The following SEMA5B variants were observed in gnomAD, a reference collection of about 807,000 sequenced individuals.
The protein encoded by SEMA5B is semaphorin-5B.
SEMA5B carries 66 observed loss-of-function variants against 135.0 expected under a neutral mutation model. The observed-to-expected ratio is 0.49, with a 90% CI of 0.40 to 0.60. The LOEUF (loss-of-function observed/expected upper bound fraction) is 0.60, where lower values mean the gene tolerates loss of function less well. SEMA5B is among the 20% of genes least tolerant of loss of function. The pLI is 0.00. For synonymous variants in SEMA5B, 690 were observed against 639.5 expected, an observed-to-expected ratio of 1.08 and a Z score of -1.19; for missense variants, 1,501 against 1,566.3, an observed-to-expected ratio of 0.96 and a Z score of 0.70.
intron 1 of SEMA5B, among the ~76,000 whole-genome samples, chr3:122,989,014 C>A (rs772648676): frequency 6.6e-6 from 1 of 152,214 alleles, no homozygotes; most frequent in Non-Finnish European, 1.5e-5. Context: ...GCCAGTGGGG[C>A]TTCTGTTGCT....
chr3:123,014,894 G>T (rs1942520178), intron 1 of SEMA5B, among the ~76,000 whole-genome samples: 1 of 152,184 alleles, frequency 6.6e-6, no homozygotes, highest in Non-Finnish European at 1.5e-5. Flanking sequence ...TTGGAAATAG[G>T]ATTGTTGCAG....
chr3:122,918,141 A>G (rs1302722487), intron 12 of SEMA5B, among the ~76,000 whole-genome samples: 1 of 152,228 alleles, frequency 6.6e-6, no homozygotes, highest in Non-Finnish European at 1.5e-5. Flanking sequence ...GACTAATAAT[A>G]ATAATAAACA....
Position 122,911,542 on chromosome 3 carries a change from G to A in SEMA5B, c.3047-7C>T. The stretch of plus-strand genomic sequence containing the variant: ...CTGGAGGCTGGCAGGATGACTGCAG[G>A]AAGACCAGTGGACAGGGTGTCAGGG... On this transcript the variant is annotated splice_polypyrimidine_tract_variant and splice_region_variant and intron_variant, in intron 20 of 22. Transcript: ENST00000357599. 1 of 1,609,284 alleles carries A rather than the reference G, an allele frequency of 6.2e-7. No individual in the cohort carries two copies. The highest frequency in any genetic ancestry group is 8.5e-7 in the Non-Finnish European group (1 of 1,178,782).
At chr3:122,975,919 C>CCT in intron 1 of SEMA5B, 2 of 1,503,668 alleles carry the variant, frequency 1.3e-6, no homozygotes, top group South Asian at 2.5e-5. Flanking sequence ...TCTCCTGCCC[C>CCT]CTCTCTGGCC....
At chr3:123,027,002 C>T (rs1342583550) in intron 1 of SEMA5B, 2 of 152,732 alleles carry the variant, frequency 1.3e-5, no homozygotes, top group African/African-American at 4.8e-5. Flanking sequence ...AGATTTCACA[C>T]TCTGGGCGGG....
chr3:122,915,983 A>G, intron 12 of SEMA5B, 93 bp from the exon 13 acceptor site: 1 of 883,506 alleles, frequency 1.1e-6, no homozygotes, highest in Non-Finnish European at 1.9e-6. Flanking sequence ...TCTGTGCACC[A>G]CTTTCCATCC....
intron 2 of SEMA5B, among the ~76,000 whole-genome samples, chr3:122,960,332 C>T (rs1174568895): frequency 1.3e-5 from 2 of 152,280 alleles, no homozygotes; most frequent in South Asian, 2.1e-4. Flanking sequence ...GAACTTAATG[C>T]CACTGAACCG....
intron 1 of SEMA5B, among the ~76,000 whole-genome samples, chr3:123,006,209 C>T (rs1361217608): frequency 6.6e-6 from 1 of 152,186 alleles, no homozygotes; most frequent in African/African-American, 2.4e-5. Context: ...TAAATGACCC[C>T]TGAGAGGTGG....
chr3:123,005,079 G>A (rs1464987811), intron 1 of SEMA5B, among the ~76,000 whole-genome samples: 1 of 152,152 alleles, frequency 6.6e-6, no homozygotes, highest in Non-Finnish European at 1.5e-5. Context: ...AATGGCAGAA[G>A]CCCTGAGCAC....
rs1372610328 is a variant in SEMA5B, at chr3:122,923,668, C to T, written c.1221G>A (p.Glu407=). The T allele has an allele frequency of 1.5e-5, 25 of 1,614,060 alleles. No individual in the cohort carries two copies. The highest frequency in any genetic ancestry group is 2.1e-5 in the Non-Finnish European group (25 of 1,179,964). The change falls in exon 10 of 23, where the codon GAG becomes GAA. Residue 407 remains glutamate, a synonymous_variant. Coordinates refer to ENST00000357599, the MANE Select transcript of SEMA5B (RefSeq NM_001031702.4). Reference sequence around the variant, plus strand: ...TGGGGAGCCAGGCAGCCCTGGGGTTCTCCTGGTAGCGAAATGGGCCATTGA... The same window carrying T: ...TGGGGAGCCAGGCAGCCCTGGGGTTTTCCTGGTAGCGAAATGGGCCATTGA... The part of the protein sequence containing the change: ...QAFNGPFRYQ[E]NPRAAWLPIA...
At chr3:122,920,268 C>T (rs932963183) in intron 12 of SEMA5B, among the ~76,000 whole-genome samples, 9 of 152,352 alleles carry the variant, frequency 5.9e-5, no homozygotes, top group African/African-American at 2.2e-4. Context: ...CCTCTCACGC[C>T]AAAGAGTCAG....
rs186357674 is a variant in SEMA5B, at chr3:122,912,022, C to T, written c.2944G>A (p.Ala982Thr). 1.9e-6 allele frequency: 3 copies of T among 1,613,836 alleles called. No individual in the cohort carries two copies. Among genetic ancestry groups the T allele is most frequent in the East Asian group, 2.2e-5 (1 of 44,864 alleles). ...SEWSKCTDDG[A>T]QSRSRHCEEL... ...TCACAGTGCCGGCTTCGGCTCTGGGCTCCGTCGTCAGTGCACTTACTCCAC... is the reference window on the plus strand; with the variant it reads ...TCACAGTGCCGGCTTCGGCTCTGGGTTCCGTCGTCAGTGCACTTACTCCAC... Residue 982 changes from alanine (A) to threonine (T), a missense_variant, in exon 20 of 23, where the codon GCC becomes ACC. Around this residue, in one of 2 missense-constraint regions of SEMA5B, gnomAD observed 927 missense variants for 881.6 expected, o/e 1.05. Coordinates refer to ENST00000357599, the MANE Select transcript of SEMA5B (RefSeq NM_001031702.4).
intron 1 of SEMA5B, among the ~76,000 whole-genome samples, chr3:122,966,863 CTATTAT>C (rs755147289): frequency 0.013 from 1,006 of 77,738 alleles, 3 homozygotes; most frequent in Non-Finnish European, 0.022. Context: ...CGGCCTATTA[CTATTAT>C]TATTATTATT....
chr3:123,022,299 C>T (rs1205614183), intron 1 of SEMA5B, among the ~76,000 whole-genome samples: 2 of 152,210 alleles, frequency 1.3e-5, no homozygotes, highest in Admixed American at 1.3e-4. Context: ...TTTCCCATCA[C>T]AGAAGATGCT....
At chr3:123,000,145 T>G (rs1576401433) in intron 1 of SEMA5B, among the ~76,000 whole-genome samples, 1 of 151,922 alleles carries the variant, frequency 6.6e-6, no homozygotes, top group Non-Finnish European at 1.5e-5. Context: ...GAGGCGGAGG[T>G]TGCAGTGAGC....
At chr3:122,964,939 T>C (rs898367279) in intron 1 of SEMA5B, among the ~76,000 whole-genome samples, 12 of 152,066 alleles carry the variant, frequency 7.9e-5, no homozygotes, top group Non-Finnish European at 8.8e-5. Context: ...CCACAGTGGG[T>C]GAAACTGAGC....
intron 1 of SEMA5B, among the ~76,000 whole-genome samples, chr3:123,024,195 G>A (rs1317529019): frequency 3.3e-5 from 5 of 152,164 alleles, no homozygotes; most frequent in African/African-American, 9.7e-5. Flanking sequence ...GACTAAGCAC[G>A]GGAGTGTTAT....
intron 1 of SEMA5B, among the ~76,000 whole-genome samples, chr3:123,001,643 A>G (rs1437888216): frequency 1.3e-5 from 2 of 152,214 alleles, no homozygotes. Context: ...GTACTGAAGA[A>G]TGCACTTAGA....
At chr3:122,928,730 AC>A in intron 6 of SEMA5B, 115 bp from the exon 7 acceptor site, 1 of 839,080 alleles carries the variant, frequency 1.2e-6, no homozygotes, top group Non-Finnish European at 1.9e-6. Context: ...ACTCCCCTTG[AC>A]CCCAGATCCA....
Sources: allele counts gnomAD v4.1 joint callset (sites outside exome capture counted in the v4.1 genomes callset), GRCh38; gene constraint gnomAD v4.1.1; regional missense constraint gnomAD v4.1.1; transcripts MANE v1.5; gene names NCBI Gene and HGNC (gene_info 2026-07-23, HGNC 2026-07-21).